Variants in MYO18B observed in about 807,000 individuals in gnomAD.
MYO18B encodes unconventional myosin-XVIIIb.
In MYO18B, 204 loss-of-function variants were observed where a neutral mutation model predicts 273.0. That is an observed-to-expected ratio of 0.75 (90% CI 0.67 to 0.84). The LOEUF is 0.84. Ranked by LOEUF, MYO18B falls within the 40% of genes least tolerant of loss-of-function variation. MYO18B has a pLI of 0.00. For synonymous variants in MYO18B, 1,330 were observed against 1,305.7 expected (o/e 1.02, Z -0.40); for missense variants, 3,212 against 3,287.6 (o/e 0.98, Z 0.56).
intron 10 of MYO18B, among the ~76,000 whole-genome samples, chr22:25,784,480 G>A (rs973772788): frequency 2.6e-5 from 4 of 152,254 alleles, no homozygotes; most frequent in African/African-American, 9.6e-5. Flanking sequence ...TGGCAGCACT[G>A]GGGTTGGACT....
At chr22:25,815,608 A>G (rs2088965287) in intron 12 of MYO18B, among the ~76,000 whole-genome samples, 1 of 152,182 alleles carries the variant, frequency 6.6e-6, no homozygotes, top group African/African-American at 2.4e-5. Context: ...ATCAGCTTCC[A>G]GTTCTTTCCA....
chr22:25,989,263 G>A (rs1347258839), intron 39 of MYO18B, among the ~76,000 whole-genome samples: 2 of 152,098 alleles, frequency 1.3e-5, no homozygotes, highest in Non-Finnish European at 2.9e-5. Context: ...GTCTCCCGGC[G>A]GCGTGACCTC....
At chr22:25,749,899 G>A (rs1219529261) in intron 1 of MYO18B, among the ~76,000 whole-genome samples, 1 of 152,166 alleles carries the variant, frequency 6.6e-6, no homozygotes, top group Admixed American at 6.5e-5. Context: ...ACAGCCCACG[G>A]CCAGATCCAA....
Position 26,026,528 on chromosome 22 carries a change from A to G in MYO18B, c.6554A>G (p.Lys2185Arg). 6.2e-7 allele frequency: 1 copy of G among 1,613,936 alleles called. No individual in the cohort carries two copies. Among genetic ancestry groups the G allele is most frequent in the Non-Finnish European group, 8.5e-7 (1 of 1,179,888 alleles). Residue 2185 changes from lysine to arginine, a missense_variant, in exon 43 of 44, where the codon AAG becomes AGG. Lys to Arg is a conservative substitution (Grantham distance 26). Transcript: ENST00000335473. The part of the protein sequence containing the change: ...SRARSTNVHS[K>R]TSGDKPVSPH... Reference sequence around the variant, plus strand: ...GCCCGGTCCACCAATGTCCACAGCAAGACCTCAGGAGACAAGCCTGTTTCT... The same window carrying G: ...GCCCGGTCCACCAATGTCCACAGCAGGACCTCAGGAGACAAGCCTGTTTCT...
intron 39 of MYO18B, among the ~76,000 whole-genome samples, chr22:25,956,203 C>G (rs992485473): frequency 2.7e-5 from 4 of 149,814 alleles, no homozygotes; most frequent in African/African-American, 1.0e-4. Flanking sequence ...CCAGGATGGA[C>G]CGAGGAACCT....
At chr22:26,041,275 G>T in the MYO18B span, among the ~76,000 whole-genome samples, 1 of 148,418 alleles carries the variant, frequency 6.7e-6, no homozygotes, top group Non-Finnish European at 1.5e-5. Context: ...AGTACTTTGG[G>T]AGGCTAAAGT....
chr22:25,969,370 C>T (rs1320356422), intron 39 of MYO18B, among the ~76,000 whole-genome samples: 2 of 152,226 alleles, frequency 1.3e-5, no homozygotes, highest in African/African-American at 4.8e-5. Context: ...CCCATTAGGG[C>T]TCATCTACTT....
intron 21 of MYO18B, among the ~76,000 whole-genome samples, chr22:25,861,191 A>G (rs2090724726): frequency 6.6e-6 from 1 of 152,056 alleles, no homozygotes; most frequent in African/African-American, 2.4e-5. Flanking sequence ...GCATGTTGCT[A>G]TCGTTTATGT....
In MYO18B at chr22:25,947,766, A is replaced by G; in HGVS notation, c.5686A>G (p.Ile1896Val). ...TGAGAAGGCGGACCTCCTGAAGCGC[A>G]TCGATGAGGACCAGGATGACCTGAA... Reference protein sequence around the residue: ...QFEKADLLKRIDEDQDDLNEL... With the variant: ...QFEKADLLKRVDEDQDDLNEL... Residue 1896 changes from isoleucine to valine, a missense_variant, in exon 36 of 44, where the codon ATC (isoleucine) becomes GTC (valine). Ile to Val is a conservative substitution (Grantham distance 29, BLOSUM62 3). Transcript: ENST00000335473. 1 of 1,613,900 alleles carries G rather than the reference A, an allele frequency of 6.2e-7. No homozygotes were observed. The highest frequency in any genetic ancestry group is 2.2e-5 in the East Asian group (1 of 44,880).
intron 34 of MYO18B, among the ~76,000 whole-genome samples, chr22:25,925,686 C>A (rs1601591771): frequency 6.6e-6 from 1 of 151,924 alleles, no homozygotes; most frequent in South Asian, 2.1e-4. Flanking sequence ...GGGTGGATCA[C>A]CTGGGGTCAG....
rs2085648768 is a variant in MYO18B at position 25,742,303 on chromosome 22, G to A, written c.-110+10G>A. ...GTCCTCTTTGCAGAAGGTACTATTG[G>A]GCTGGGTTTTAGACGGGCACCTTGC... On this transcript the variant is annotated intron_variant, in intron 1 of 43. Coordinates refer to ENST00000335473, the MANE Select transcript of MYO18B (RefSeq NM_032608.7). 6.6e-6 allele frequency: 1 copy of A among 152,204 alleles called. No homozygotes were observed. Among genetic ancestry groups the A allele is most frequent in the African/African-American group, 2.4e-5 (1 of 41,414 alleles). The allele number at this position is 152,204 out of a possible 1,614,324, so 9.4% of individuals were successfully genotyped here. A position where few individuals can be genotyped will look rare whatever the true frequency, so the allele number is the denominator to read the frequency against.
chr22:25,862,500 G>C (rs1273579346), intron 21 of MYO18B, among the ~76,000 whole-genome samples: 1 of 152,146 alleles, frequency 6.6e-6, no homozygotes, highest in Non-Finnish European at 1.5e-5. Flanking sequence ...GAAACAGTAA[G>C]GCAGGTCTCA....
chr22:26,039,566 C>T, the MYO18B span, among the ~76,000 whole-genome samples: 3 of 152,170 alleles, frequency 2.0e-5, no homozygotes, highest in Non-Finnish European at 2.9e-5. Flanking sequence ...AATGCTGCCA[C>T]AGCCTCCTAC....
At chr22:25,947,657 G>A (rs2092730609) in intron 35 of MYO18B, 55 bp from the exon 36 acceptor site, 1 of 1,368,490 alleles carries the variant, frequency 7.3e-7, no homozygotes, top group African/African-American at 1.4e-5. Context: ...TCTGGACCTT[G>A]CTGCCCATCC....
At chr22:25,798,907 G>A (rs182143718) in intron 12 of MYO18B, among the ~76,000 whole-genome samples, 1 of 152,064 alleles carries the variant, frequency 6.6e-6, no homozygotes, top group Admixed American at 6.5e-5. Context: ...GATGTTCCCT[G>A]CCACATGCCC....
chr22:25,973,195 A>G (rs1466186131), intron 39 of MYO18B, among the ~76,000 whole-genome samples: 1 of 152,158 alleles, frequency 6.6e-6, no homozygotes, highest in Non-Finnish European at 1.5e-5. Context: ...TCCAATATTT[A>G]CTAATTGCCG....
At chr22:25,761,974 T>A (rs552666744) in intron 2 of MYO18B, among the ~76,000 whole-genome samples, 1 of 152,196 alleles carries the variant, frequency 6.6e-6, no homozygotes, top group South Asian at 2.1e-4. Flanking sequence ...ATACAAAAAA[T>A]TAACTGGGTG....
intron 40 of MYO18B, among the ~76,000 whole-genome samples, chr22:25,996,287 GCATT>G (rs10552232): frequency 0.45 from 68,539 of 151,624 alleles, 16,498 homozygotes; most frequent in African/African-American, 0.62. Flanking sequence ...ATCATCAATT[GCATT>G]CATTCATTCA....
At chr22:25,767,057 C>T (rs2086531666) in intron 3 of MYO18B, among the ~76,000 whole-genome samples, 1 of 152,202 alleles carries the variant, frequency 6.6e-6, no homozygotes. Flanking sequence ...GTCTGTGAGG[C>T]TGTGCTGGCA....
Sources: gnomAD v4.1 joint callset for allele counts (sites outside exome capture counted in the v4.1 genomes callset) on GRCh38, gnomAD v4.1.1 for gene constraint, MANE v1.5 for transcripts, NCBI Gene and HGNC (gene_info 2026-07-23, HGNC 2026-07-21) for gene names.